TRHDE: variants seen among roughly 807,000 people sequenced by gnomAD.
TRHDE encodes thyrotropin-releasing hormone-degrading ectoenzyme.
TRHDE carries 72 observed loss-of-function variants against 125.7 expected under a neutral mutation model. That is an observed-to-expected ratio of 0.57 (90% CI 0.47 to 0.70). The LOEUF (loss-of-function observed/expected upper bound fraction) is 0.70. Ranked by LOEUF, TRHDE falls within the 30% of genes least tolerant of loss-of-function variation. The pLI is 0.00. For missense variants in TRHDE, 1,110 were observed against 1,327.1 expected, an observed-to-expected ratio of 0.84 and a Z score of 2.54; for synonymous variants, 509 against 509.1, an observed-to-expected ratio of 1.00 and a Z score of 0.00.
chr12:72,146,616 C>T (rs1347209403), intron 2 of TRHDE, among the ~76,000 whole-genome samples: 1 of 152,186 alleles, frequency 6.6e-6, no homozygotes. Flanking sequence ...AGGGGGAGCA[C>T]GCAGACGGGC....
chr12:72,576,292 C>CA (rs1228298116), intron 12 of TRHDE, among the ~76,000 whole-genome samples: 3 of 152,086 alleles, frequency 2.0e-5, no homozygotes, highest in African/African-American at 7.2e-5. Flanking sequence ...ACCTGGTTAT[C>CA]ATGATTTACC....
intron 2 of TRHDE, among the ~76,000 whole-genome samples, chr12:72,313,858 T>G (rs1449097052): frequency 6.6e-6 from 1 of 152,180 alleles, no homozygotes; most frequent in Non-Finnish European, 1.5e-5. Flanking sequence ...ACAAACTCTT[T>G]CAGAAACAAA....
chr12:72,471,184 T>C (rs1321421989), intron 4 of TRHDE, among the ~76,000 whole-genome samples: 6 of 152,090 alleles, frequency 3.9e-5, no homozygotes, highest in African/African-American at 1.4e-4. Flanking sequence ...AGCCCCTAAA[T>C]GTCAGTTTTT....
At chr12:72,321,294 A>G (rs867025184) in intron 2 of TRHDE, among the ~76,000 whole-genome samples, 1 of 152,178 alleles carries the variant, frequency 6.6e-6, no homozygotes. Context: ...GTGCCAGCTG[A>G]TGGCTTCTAG....
intron 1 of TRHDE, among the ~76,000 whole-genome samples, chr12:72,281,450 T>C (rs955657136): frequency 3.3e-5 from 5 of 152,214 alleles, no homozygotes; most frequent in African/African-American, 9.6e-5. Context: ...AGATGTTCCA[T>C]TGAAACTTTT....
chr12:72,330,746 A>G (rs749045260), intron 2 of TRHDE, among the ~76,000 whole-genome samples: 23 of 152,172 alleles, frequency 1.5e-4, no homozygotes, highest in Non-Finnish European at 5.9e-5. Context: ...TCCTATTAAA[A>G]ATAATAGGAG....
At chr12:72,544,393 C>A (rs1869307756) in intron 7 of TRHDE, among the ~76,000 whole-genome samples, 1 of 151,548 alleles carries the variant, frequency 6.6e-6, no homozygotes. Context: ...CTAATCTAGG[C>A]TGTCAGCACT....
rs1873703444 is a variant in TRHDE, at chr12:72,635,534, T to C, written c.2675+13783T>C. On this transcript the variant is annotated intron_variant, in intron 15 of 18. Coordinates refer to ENST00000261180, the MANE Select transcript of TRHDE (RefSeq NM_013381.3). ...AGATCCCATTTGTCAATTGTGGCTT[T>C]TGTTGCCATTGCTTTTGGTGTTTTA... 2.6e-5 allele frequency among the ~76,000 whole-genome samples: 4 copies of C among 152,312 alleles called. No individual in the cohort carries two copies. The South Asian group carries it at 8.3e-4, about 32-fold the overall frequency.
At chr12:72,650,405 T>C (rs1874457963) in intron 15 of TRHDE, among the ~76,000 whole-genome samples, 1 of 152,140 alleles carries the variant, frequency 6.6e-6, no homozygotes, top group African/African-American at 2.4e-5. Context: ...ATGGCACCAG[T>C]ATAGTATGTG....
At chr12:72,496,839 C>T (rs529589871) in intron 5 of TRHDE, among the ~76,000 whole-genome samples, 2 of 152,178 alleles carry the variant, frequency 1.3e-5, no homozygotes, top group African/African-American at 4.8e-5. Context: ...ATGATGAGAG[C>T]CCCTGCCAGG....
chr12:72,381,995 A>G (rs1872207065), intron 3 of TRHDE, among the ~76,000 whole-genome samples: 1 of 152,182 alleles, frequency 6.6e-6, no homozygotes, highest in Non-Finnish European at 1.5e-5. Context: ...GTGAGGCTGA[A>G]TGGGACTACC....
chr12:72,295,578 G>A (rs987406362), intron 2 of TRHDE, among the ~76,000 whole-genome samples: 8 of 152,056 alleles, frequency 5.3e-5, no homozygotes, highest in African/African-American at 1.9e-4. Flanking sequence ...TTACAATGGT[G>A]GTATGTATAT....
intron 1 of TRHDE, among the ~76,000 whole-genome samples, chr12:72,098,823 A>G (rs1295097647): frequency 6.6e-6 from 1 of 152,234 alleles, no homozygotes; most frequent in Non-Finnish European, 1.5e-5. Flanking sequence ...AAGCCCAGGC[A>G]AAACTAGCAG....
At chr12:72,549,487 C>A (rs1869571917) in intron 7 of TRHDE, among the ~76,000 whole-genome samples, 1 of 151,754 alleles carries the variant, frequency 6.6e-6, no homozygotes. Context: ...ACCATAGAAG[C>A]TTTTGCTCAA....
chr12:72,130,074 G>T (rs1439744814), intron 2 of TRHDE, among the ~76,000 whole-genome samples: 2 of 152,174 alleles, frequency 1.3e-5, no homozygotes, highest in African/African-American at 4.8e-5. Flanking sequence ...GGCTGAGGTG[G>T]GCGGATCATG....
intron 6 of TRHDE, among the ~76,000 whole-genome samples, chr12:72,516,870 G>T (rs555056451): frequency 6.6e-6 from 1 of 152,138 alleles, no homozygotes; most frequent in South Asian, 2.1e-4. Flanking sequence ...GTTGAATTTT[G>T]TCAAAGGCCT....
chr12:72,190,034 G>C (rs919700004), intron 2 of TRHDE, among the ~76,000 whole-genome samples: 1 of 152,108 alleles, frequency 6.6e-6, no homozygotes, highest in Non-Finnish European at 1.5e-5. Context: ...ACTGCTCTTG[G>C]CTTGCTACTG....
At chr12:72,445,373 C>T (rs1457046819) in intron 3 of TRHDE, among the ~76,000 whole-genome samples, 1 of 151,876 alleles carries the variant, frequency 6.6e-6, no homozygotes, top group Non-Finnish European at 1.5e-5. Context: ...ATCCCATACT[C>T]AAATGCCTCA....
At chr12:72,225,207 T>C (rs1346325420) in intron 2 of TRHDE, among the ~76,000 whole-genome samples, 1 of 152,216 alleles carries the variant, frequency 6.6e-6, no homozygotes, top group Non-Finnish European at 1.5e-5. Flanking sequence ...TGAATTACTC[T>C]GTTGGCTGTA....
Sources: allele counts gnomAD v4.1 joint callset (sites outside exome capture counted in the v4.1 genomes callset), GRCh38; gene constraint gnomAD v4.1.1; transcripts MANE v1.5; gene names NCBI Gene and HGNC (gene_info 2026-07-23, HGNC 2026-07-21).